Variants in BMP10 observed in about 807,000 individuals in gnomAD.
BMP10 encodes bone morphogenetic protein 10.
A neutral mutation model predicts 29.9 loss-of-function variants in BMP10; 9 were observed. The observed-to-expected ratio is 0.30, with a 90% confidence interval of 0.18 to 0.53. BMP10 has a LOEUF of 0.53. BMP10 is among the 20% of genes least tolerant of loss of function. BMP10 has a pLI of 0.96. For synonymous variants in BMP10, 202 were observed against 200.2 expected (o/e 1.01, Z -0.07); for missense variants, 474 against 524.3 (o/e 0.90, Z 0.94).
chr2:68,862,745 T>C lies in BMP10; in HGVS notation c.*2886A>G, dbSNP rs1682884576. On this transcript the variant is annotated 3_prime_UTR_variant, in exon 2 of 2. Coordinates refer to ENST00000295379, the MANE Select transcript of BMP10 (RefSeq NM_014482.3). Reference sequence around the variant, plus strand: ...AGTGACACCGGTGTGCTGCCGGGGTTCCGGTGGGAGCTGGGAGAACTCCTC... The same window carrying C: ...AGTGACACCGGTGTGCTGCCGGGGTCCCGGTGGGAGCTGGGAGAACTCCTC... Among the ~76,000 whole-genome samples the C allele has an allele frequency of 6.6e-6, 1 of 152,200 alleles. No individual in the cohort carries two copies. Among genetic ancestry groups the C allele is most frequent in the South Asian group, 2.1e-4 (1 of 4,828 alleles).
At position 68,862,151 on chromosome 2, in the gene BMP10, G is replaced by T. The variant is rs1435412864; in HGVS notation, c.*3480C>A. On this transcript the variant is annotated 3_prime_UTR_variant, in exon 2 of 2. Transcript: ENST00000295379. ...TTATGAAACTGCATGACAATGTATTGGTTAAATATTTCCTGGAACATCTAC... is the reference window on the plus strand; with the variant it reads ...TTATGAAACTGCATGACAATGTATTTGTTAAATATTTCCTGGAACATCTAC... Among the ~76,000 whole-genome samples, 1 of 151,632 alleles carries T rather than the reference G, an allele frequency of 6.6e-6. No homozygotes were observed. The highest frequency in any genetic ancestry group is 1.5e-5 in the Non-Finnish European group (1 of 67,870).
At position 68,866,228 on chromosome 2, in the gene BMP10, G is replaced by T. The variant is rs763324940; in HGVS notation, c.678C>A (p.Ser226Arg). ...STHQLEVHIE[S>R]KHDEAEDASS... ...TGGCATCCTCAGCTTCATCGTGTTT[G>T]CTCTCAATGTGGACCTCCAGCTGGT... Residue 226 changes from serine (S) to arginine (R), a missense_variant, in exon 2 of 2, where the codon AGC becomes AGA. Around this residue, in one of 2 missense-constraint regions of BMP10, gnomAD observed 408 missense variants for 415.3 expected, o/e 0.98. Transcript: ENST00000295379. The T allele has an allele frequency of 2.5e-6, 4 of 1,613,880 alleles. No individual in the cohort carries two copies. Among genetic ancestry groups the T allele is most frequent in the Non-Finnish European group, 3.4e-6 (4 of 1,179,988 alleles).
Position 68,865,849 on chromosome 2 carries a change from G to A in BMP10, c.1057C>T (p.Arg353Cys), listed in dbSNP as rs1420667461. The A allele has an allele frequency of 1.2e-6, 2 of 1,614,054 alleles. No individual in the cohort carries two copies. Among genetic ancestry groups the A allele is most frequent in the Non-Finnish European group, 1.7e-6 (2 of 1,179,978 alleles). ...GCCAGGGGGTAGTTACAAACACCAC[G>A]GCATTCATAGGCTTCGTATCCAGGC... Reference protein sequence around the residue: ...APPGYEAYECRGVCNYPLAEH... With the variant: ...APPGYEAYECCGVCNYPLAEH... The change falls in exon 2 of 2, where the codon CGT becomes TGT. Residue 353 changes from arginine (R) to cysteine (C), a missense_variant. By Grantham distance (180) the Arg-to-Cys change is radical. Transcript: ENST00000295379. This position sits in a 1 kb window ranked among gnomAD's most constrained non-coding sequence, Gnocchi z 4.7.
rs747772549 is a variant in BMP10, at chr2:68,866,525, G to C, written c.381C>G (p.Pro127=). Residue 127 remains proline (P), a synonymous_variant, in exon 2 of 2, where the codon CCC becomes CCG. Transcript: ENST00000295379. ...GAGGAATGGACACATTGAAGAGGAG[G>C]GGGTATTTTCGGAGCCCATTAAAAC... The part of the protein sequence containing the change: ...PVSFNGLRKY[P]LLFNVSIPHH... 9.9e-6 allele frequency: 16 copies of C among 1,613,628 alleles called. No homozygotes were observed. In the African/African-American group the frequency reaches 1.9e-4, roughly 19 times the overall value.
At chr2:68,868,956 A>C (rs1683020313) in intron 1 of BMP10, among the ~76,000 whole-genome samples, 1 of 152,228 alleles carries the variant, frequency 6.6e-6, no homozygotes, top group Non-Finnish European at 1.5e-5. Context: ...TTATAAGTCA[A>C]ATATACCTCA....
In BMP10 at chr2:68,862,769, T is replaced by C. The variant is rs1682885106; in HGVS notation, c.*2862A>G. 6.6e-6 allele frequency among the ~76,000 whole-genome samples: 1 copy of C among 152,084 alleles called. No homozygotes were observed. The stretch of plus-strand genomic sequence containing the variant: ...TTCCGGTGGGAGCTGGGAGAACTCC[T>C]CTACGGGCTGTGTCTTTTCACTTTC... On this transcript the variant is annotated 3_prime_UTR_variant, in exon 2 of 2. Coordinates refer to ENST00000295379, the MANE Select transcript of BMP10 (RefSeq NM_014482.3).
At position 68,865,050 on chromosome 2, in the gene BMP10, A is replaced by G. The variant is rs1053716140; in HGVS notation, c.*581T>C. 2.0e-5 allele frequency among the ~76,000 whole-genome samples: 3 copies of G among 152,168 alleles called. No homozygotes were observed. Among genetic ancestry groups the G allele is most frequent in the Admixed American group, 2.0e-4 (3 of 15,272 alleles). On this transcript the variant is annotated 3_prime_UTR_variant, in exon 2 of 2. Coordinates refer to ENST00000295379, the MANE Select transcript of BMP10 (RefSeq NM_014482.3). The surrounding 1 kb of genome is among the most constrained non-coding windows in gnomAD (Gnocchi z 4.7). Reference sequence around the variant, plus strand: ...TTAAGTCCATTTGGTTTCTGTATCAATTAACCCTTCCCTTCAAGCATCCTT... The same window carrying G: ...TTAAGTCCATTTGGTTTCTGTATCAGTTAACCCTTCCCTTCAAGCATCCTT...
chr2:68,870,923 T>TATAG, intron 1 of BMP10, 102 bp downstream of exon 1: 1 of 1,038,402 alleles, frequency 9.6e-7, no homozygotes, highest in Non-Finnish European at 1.4e-6. Context: ...AACATCCTTA[T>TATAG]ATAGATGTAT....
chr2:68,863,043 G>A lies in BMP10; in HGVS notation c.*2588C>T, dbSNP rs1050085866. On this transcript the variant is annotated 3_prime_UTR_variant, in exon 2 of 2. Transcript: ENST00000295379. The stretch of plus-strand genomic sequence containing the variant: ...AAGCCCGGAGCCAGCAGCGCACACA[G>A]TGGAAAGCAGGGCTGGCACATCCTT... Among the ~76,000 whole-genome samples the A allele has an allele frequency of 6.6e-6, 1 of 152,218 alleles. No individual in the cohort carries two copies. The highest frequency in any genetic ancestry group is 1.5e-5 in the Non-Finnish European group (1 of 68,036).
chr2:68,866,308 T>C lies in BMP10; in HGVS notation c.598A>G (p.Thr200Ala), dbSNP rs1682954088. The change falls in exon 2 of 2, where the codon ACT becomes GCT. Residue 200 changes from threonine (T) to alanine (A), a missense_variant. Around this residue, in one of 2 missense-constraint regions of BMP10, gnomAD observed 408 missense variants for 415.3 expected, o/e 0.98. Transcript: ENST00000295379. ...EIYGTNSEWE[T>A]FDVTDAIRRW... is the part of the protein sequence containing the mutation. Reference sequence around the variant, plus strand: ...CTGATGGCATCTGTGACATCAAAAGTCTCCCACTCACTGTTGGTTCCATAT... The same window carrying C: ...CTGATGGCATCTGTGACATCAAAAGCCTCCCACTCACTGTTGGTTCCATAT... The C allele has an allele frequency of 1.2e-6, 2 of 1,613,902 alleles. No individual in the cohort carries two copies. The highest frequency in any genetic ancestry group is 3.3e-5 in the Admixed American group (2 of 59,992).
In BMP10 at chr2:68,871,303, A is replaced by C; in HGVS notation, c.56T>G (p.Val19Gly). The C allele has an allele frequency of 6.2e-7, 1 of 1,614,136 alleles. No individual in the cohort carries two copies. Among genetic ancestry groups the C allele is most frequent in the Non-Finnish European group, 8.5e-7 (1 of 1,180,000 alleles). Reference sequence around the variant, plus strand: ...TAGGTTCATGATGGGGCTGCCAGAAACCAAGTAAGCTGCCAGGCAGAAAAG... The same window carrying C: ...TAGGTTCATGATGGGGCTGCCAGAACCCAAGTAAGCTGCCAGGCAGAAAAG... Reference protein sequence around the residue: ...CALFCLAAYLVSGSPIMNLEQ... With the variant: ...CALFCLAAYLGSGSPIMNLEQ... Residue 19 changes from valine (V) to glycine (G), a missense_variant, in exon 1 of 2, where the codon GTT becomes GGT. Val to Gly is a moderately radical substitution (Grantham distance 109). Coordinates refer to ENST00000295379, the MANE Select transcript of BMP10 (RefSeq NM_014482.3).
rs1017615446 is a variant in BMP10, at chr2:68,862,473, A to C, written c.*3158T>G. On this transcript the variant is annotated 3_prime_UTR_variant, in exon 2 of 2. Coordinates refer to ENST00000295379, the MANE Select transcript of BMP10 (RefSeq NM_014482.3). ...ACAAAAATAAATATATCAATCAATA[A>C]ATAGTGGGAAGCCTAGAAACTCTTA... 6.6e-6 allele frequency among the ~76,000 whole-genome samples: 1 copy of C among 152,072 alleles called. No individual in the cohort carries two copies. The highest frequency in any genetic ancestry group is 1.5e-5 in the Non-Finnish European group (1 of 68,036).
At position 68,871,204 on chromosome 2, in the gene BMP10, T is replaced by G; in HGVS notation, c.155A>C (p.Asn52Thr). ...VFSEQDGVDF[N>T]TLLQSMKDEF... ...ATCCTTCATGCTCTGGAGCAGTGTG[T>G]TAAAGTCGACACCGTCTTGCTCTGA... is the stretch of plus-strand genomic sequence containing the variant. Residue 52 changes from asparagine to threonine, a missense_variant, in exon 1 of 2, where the codon AAC (asparagine) becomes ACC (threonine). Physicochemically the swap from Asn to Thr is moderately conservative, Grantham distance 65. Transcript: ENST00000295379. The G allele has an allele frequency of 1.2e-6, 2 of 1,614,148 alleles. No individual in the cohort carries two copies. The highest frequency in any genetic ancestry group is 8.5e-7 in the Non-Finnish European group (1 of 1,180,006).
chr2:68,864,544 A>C lies in BMP10; in HGVS notation c.*1087T>G, dbSNP rs946043521. ...AGAGCAGGGACACAGGGATGGGAGG[A>C]AGGTGAGAGGCACTAGGGCCAAGAA... On this transcript the variant is annotated 3_prime_UTR_variant, in exon 2 of 2. Transcript: ENST00000295379. 4.6e-5 allele frequency among the ~76,000 whole-genome samples: 7 copies of C among 152,080 alleles called. No homozygotes were observed. The highest frequency in any genetic ancestry group is 2.0e-4 in the Admixed American group (3 of 15,254).
At position 68,871,091 on chromosome 2, in the gene BMP10, T is replaced by C. The variant is rs2103812921; in HGVS notation, c.268A>G (p.Asn90Asp). 3 of 1,614,162 alleles carry C rather than the reference T, an allele frequency of 1.9e-6. No homozygotes were observed. Among genetic ancestry groups the C allele is most frequent in the Non-Finnish European group, 2.5e-6 (3 of 1,180,016 alleles). Residue 90 changes from asparagine (N) to aspartate (D), a missense_variant, in exon 1 of 2, where the codon AAC (asparagine) becomes GAC (aspartate). Transcript: ENST00000295379. ...DPPEYMLELYNKFATDRTSMP... is the reference protein window; with the variant it reads ...DPPEYMLELYDKFATDRTSMP... ...GAGGTCCGATCTGTTGCAAATTTGT[T>C]GTAGAGTTCCAACATGTACTCTGGT...
chr2:68,870,884 G>A (rs1258149567), intron 1 of BMP10, 141 bp downstream of exon 1: 2 of 724,142 alleles, frequency 2.8e-6, no homozygotes, highest in African/African-American at 1.8e-5. Context: ...AACAAAATGT[G>A]CCTTGTTTTT....
chr2:68,861,956 C>T lies in BMP10; in HGVS notation c.*3675G>A, dbSNP rs569162548. On this transcript the variant is annotated 3_prime_UTR_variant, in exon 2 of 2. Coordinates refer to ENST00000295379, the MANE Select transcript of BMP10 (RefSeq NM_014482.3). ...AATTACAAATGAATTTGACCAATCA[C>T]ATCTCTGAATTTCTGGGTCAGTGAC... Among the ~76,000 whole-genome samples the T allele has an allele frequency of 4.6e-5, 7 of 152,332 alleles. No homozygotes were observed. In the East Asian group the frequency reaches 9.6e-4, roughly 21 times the overall value.
chr2:68,870,980 T>A, intron 1 of BMP10, 45 bp downstream of exon 1: 1 of 1,518,060 alleles, frequency 6.6e-7, no homozygotes, highest in Non-Finnish European at 9.1e-7. Flanking sequence ...TTACTTATTG[T>A]GTCTTGAAAA....
Position 68,866,219 on chromosome 2 carries a change from A to T in BMP10, c.687T>A (p.Asp229Glu), listed in dbSNP as rs745520256. ...GTCCACTGCTGGCATCCTCAGCTTCATCGTGTTTGCTCTCAATGTGGACCT... is the reference window on the plus strand; with the variant it reads ...GTCCACTGCTGGCATCCTCAGCTTCTTCGTGTTTGCTCTCAATGTGGACCT... ...QLEVHIESKH[D>E]EAEDASSGRL... is the part of the protein sequence containing the mutation. The change falls in exon 2 of 2, where the codon GAT (aspartate) becomes GAA (glutamate). Residue 229 changes from aspartate (D) to glutamate (E), a missense_variant. By Grantham distance (45) the Asp-to-Glu change is conservative. Around this residue, in one of 2 missense-constraint regions of BMP10, gnomAD observed 408 missense variants for 415.3 expected, o/e 0.98. Transcript: ENST00000295379. 9.3e-6 allele frequency: 15 copies of T among 1,613,846 alleles called. No homozygotes were observed. In the East Asian group the frequency reaches 3.1e-4, roughly 34 times the overall value.
Sources: allele counts gnomAD v4.1 joint callset (sites outside exome capture counted in the v4.1 genomes callset), GRCh38; gene constraint gnomAD v4.1.1; regional missense constraint gnomAD v4.1.1; non-coding constraint Gnocchi (gnomAD v3.1); transcripts MANE v1.5; gene names NCBI Gene and HGNC (gene_info 2026-07-23, HGNC 2026-07-21).